LRRC1: variants seen among roughly 807,000 people sequenced by gnomAD.
LRRC1 encodes the protein leucine-rich repeat-containing protein 1.
LRRC1 carries 28 observed loss-of-function variants against 69.9 expected under a neutral mutation model. The observed-to-expected ratio is 0.40, with a 90% confidence interval of 0.30 to 0.55. The LOEUF (loss-of-function observed/expected upper bound fraction) is 0.55. Ranked by LOEUF, LRRC1 falls within the 20% of genes least tolerant of loss-of-function variation. LRRC1 has a pLI of 0.47. For synonymous variants in LRRC1, 236 were observed against 240.2 expected, an observed-to-expected ratio of 0.98 and a Z score of 0.16; for missense variants, 498 against 609.0, an observed-to-expected ratio of 0.82 and a Z score of 1.92.
intron 2 of LRRC1, among the ~76,000 whole-genome samples, chr6:53,849,535 C>A (rs1766060108): frequency 6.6e-6 from 1 of 152,198 alleles, no homozygotes; most frequent in Non-Finnish European, 1.5e-5. Context: ...AGGCTCCAGG[C>A]AGCTGAAGGT....
intron 9 of LRRC1, among the ~76,000 whole-genome samples, chr6:53,903,775 T>C (rs749365938): frequency 5.9e-5 from 9 of 152,156 alleles, no homozygotes; most frequent in Admixed American, 4.6e-4. Flanking sequence ...CAGTCCTGCT[T>C]TGTGATTTTA....
chr6:53,816,113 C>CT (rs1320755824), intron 1 of LRRC1, among the ~76,000 whole-genome samples: 4 of 152,132 alleles, frequency 2.6e-5, no homozygotes, highest in Admixed American at 2.6e-4. Context: ...GAAGGTGTGT[C>CT]TAATGTAATT....
chr6:53,916,618 T>C (rs1420079814), intron 11 of LRRC1, among the ~76,000 whole-genome samples: 2 of 152,176 alleles, frequency 1.3e-5, no homozygotes, highest in Non-Finnish European at 2.9e-5. Flanking sequence ...GTTTTCACTT[T>C]AGATATTTTA....
intron 3 of LRRC1, among the ~76,000 whole-genome samples, chr6:53,881,302 A>G (rs1562057899): frequency 6.6e-6 from 1 of 152,224 alleles, no homozygotes; most frequent in East Asian, 1.9e-4. Flanking sequence ...CTCGGACTGC[A>G]GTTCGTTTCT....
At chr6:53,903,454 C>T (rs1581912493) in intron 9 of LRRC1, among the ~76,000 whole-genome samples, 3 of 152,156 alleles carry the variant, frequency 2.0e-5, no homozygotes, top group Non-Finnish European at 4.4e-5. Flanking sequence ...CTTCTCCTTC[C>T]CCCACTTTTA....
intron 2 of LRRC1, among the ~76,000 whole-genome samples, chr6:53,878,164 G>A (rs531474026): frequency 4.6e-5 from 7 of 152,122 alleles, no homozygotes; most frequent in Non-Finnish European, 1.0e-4. Flanking sequence ...GCACAGGAAA[G>A]ACCTGCCCCC....
At chr6:53,873,563 C>T (rs1030907629) in intron 2 of LRRC1, among the ~76,000 whole-genome samples, 5 of 151,130 alleles carry the variant, frequency 3.3e-5, no homozygotes, top group Non-Finnish European at 5.9e-5. Flanking sequence ...CCTCCCAAAG[C>T]GCTGGGACCA....
intron 2 of LRRC1, among the ~76,000 whole-genome samples, chr6:53,850,086 C>T (rs1236846378): frequency 3.6e-5 from 5 of 140,190 alleles, no homozygotes; most frequent in Non-Finnish European, 6.1e-5. Context: ...TTACTTCAAG[C>T]AGTATTTATT....
chr6:53,854,216 G>A (rs1450837001), intron 2 of LRRC1, among the ~76,000 whole-genome samples: 1 of 152,202 alleles, frequency 6.6e-6, no homozygotes, highest in African/African-American at 2.4e-5. Context: ...GCAATATAGA[G>A]TAGCGTTAAT....
At chr6:53,912,019 C>T (rs959915489) in intron 10 of LRRC1, among the ~76,000 whole-genome samples, 1 of 152,116 alleles carries the variant, frequency 6.6e-6, no homozygotes, top group Non-Finnish European at 1.5e-5. Flanking sequence ...GTTGTCTCCA[C>T]TGCTACACAT....
rs144817197 is a variant in LRRC1, at chr6:53,798,158, AT to A, written c.159+2744del. Among the ~76,000 whole-genome samples the A allele has an allele frequency of 2.0e-3, 298 of 152,322 alleles. 4 individuals are homozygous for A. The East Asian group carries it at 0.041, about 21-fold the overall frequency. Reference sequence around the variant, plus strand: ...ACCACGGTTAAACTACTCCTAAGCTATGGACTTGATGGTTACTTCCCTAATC... The same window carrying A: ...ACCACGGTTAAACTACTCCTAAGCTAGGACTTGATGGTTACTTCCCTAATC... On this transcript the variant is annotated intron_variant, in intron 1 of 13. Transcript: ENST00000370888.
chr6:53,884,704 C>A (rs1054834021), intron 4 of LRRC1, among the ~76,000 whole-genome samples: 9 of 151,938 alleles, frequency 5.9e-5, no homozygotes, highest in African/African-American at 9.7e-5. Flanking sequence ...TCCTTTTTTC[C>A]CATTTTGTGT....
At chr6:53,839,134 A>G (rs1423879205) in intron 1 of LRRC1, among the ~76,000 whole-genome samples, 1 of 152,020 alleles carries the variant, frequency 6.6e-6, no homozygotes, top group African/African-American at 2.4e-5. Flanking sequence ...CTTATTTGAA[A>G]TGTATGTTTT....
At chr6:53,810,501 T>G (rs1210830635) in intron 1 of LRRC1, among the ~76,000 whole-genome samples, 1 of 151,930 alleles carries the variant, frequency 6.6e-6, no homozygotes, top group Admixed American at 6.6e-5. Context: ...GCACCTGTAG[T>G]CCCAGCTACT....
At chr6:53,852,535 C>G (rs368606903) in intron 2 of LRRC1, among the ~76,000 whole-genome samples, 2 of 152,282 alleles carry the variant, frequency 1.3e-5, no homozygotes, top group African/African-American at 4.8e-5. Flanking sequence ...ATTAGCATCT[C>G]AGGGATGGCT....
Position 53,795,236 on chromosome 6 carries a change from TA to T in LRRC1, c.-20del. ...GGGTCTCCGCCGCTCGGGACCCGGC[TA>T]GGCGGCGGCGGGGGCGGCGATGTTC... On this transcript the variant is annotated 5_prime_UTR_variant, in exon 1 of 14. Coordinates refer to ENST00000370888, the MANE Select transcript of LRRC1 (RefSeq NM_018214.5). 1 of 1,587,380 alleles carries T rather than the reference TA, an allele frequency of 6.3e-7. No homozygotes were observed. The highest frequency in any genetic ancestry group is 8.5e-7 in the Non-Finnish European group (1 of 1,170,232).
At chr6:53,922,564 C>T in intron 13 of LRRC1, 71 bp from the exon 14 acceptor site, 1 of 1,353,832 alleles carries the variant, frequency 7.4e-7, no homozygotes, top group East Asian at 2.3e-5. Context: ...AATGCTAATG[C>T]CTTGAAGCTG....
intron 2 of LRRC1, among the ~76,000 whole-genome samples, chr6:53,870,586 A>G (rs1004059039): frequency 1.3e-5 from 2 of 152,214 alleles, no homozygotes; most frequent in Non-Finnish European, 2.9e-5. Context: ...TAGTGATCAA[A>G]TCAGGGTAGT....
In LRRC1 at chr6:53,899,801, G is replaced by A; in HGVS notation, c.697G>A (p.Glu233Lys). 1 of 1,614,152 alleles carries A rather than the reference G, an allele frequency of 6.2e-7. No homozygotes were observed. Among genetic ancestry groups the A allele is most frequent in the Non-Finnish European group, 8.5e-7 (1 of 1,179,988 alleles). ...LCLDVSENRL[E>K]RLPEEISGLT... ...TTTAGATGTCTCTGAAAACAGGTTG[G>A]AAAGACTTCCTGAAGAAATCAGTGG... Residue 233 changes from glutamate (E) to lysine (K), a missense_variant, in exon 8 of 14, where the codon GAA becomes AAA. Glu to Lys is a moderately conservative substitution (Grantham distance 56). Transcript: ENST00000370888.
Sources: gnomAD v4.1 joint callset for allele counts (sites outside exome capture counted in the v4.1 genomes callset) on GRCh38, gnomAD v4.1.1 for gene constraint, MANE v1.5 for transcripts, NCBI Gene and HGNC (gene_info 2026-07-23, HGNC 2026-07-21) for gene names.